Variants in ZC3H12B observed in about 807,000 individuals in gnomAD.
The protein encoded by ZC3H12B is probable ribonuclease ZC3H12B.
Under a neutral mutation model 43.9 loss-of-function variants are expected in ZC3H12B, and 7 were observed. The ratio of observed to expected loss-of-function variants is 0.16; its 90% CI spans 0.09 to 0.30. The LOEUF (loss-of-function observed/expected upper bound fraction) is 0.30, where lower values mean the gene tolerates loss of function less well. Ranked by LOEUF, ZC3H12B falls within the 10% of genes least tolerant of loss-of-function variation. The pLI, the probability that ZC3H12B is intolerant of heterozygous loss-of-function variation, is 1.00. For synonymous variants in ZC3H12B, 222 were observed against 241.7 expected (o/e 0.92, Z 0.76); for missense variants, 475 against 670.2 (o/e 0.71, Z 3.22).
At chrX:65,351,392 A>G in the ZC3H12B span, among the ~76,000 whole-genome samples, 1 of 112,290 alleles carries the variant, frequency 8.9e-6, no homozygotes, top group South Asian at 3.7e-4. Context: ...AATACCATTC[A>G]GGACATAGGC....
At chrX:65,154,319 C>T in the ZC3H12B span, among the ~76,000 whole-genome samples, 2 of 112,184 alleles carry the variant, frequency 1.8e-5, no homozygotes, top group Admixed American at 9.5e-5. Flanking sequence ...TTTTTTCCTA[C>T]TACCTTTGCA....
chrX:65,096,946 G>A, the ZC3H12B span, among the ~76,000 whole-genome samples: 1 of 111,368 alleles, frequency 9.0e-6, no homozygotes, highest in East Asian at 2.8e-4. Context: ...AAGAGTGTAA[G>A]GGGATCCTGA....
At chrX:65,269,170 C>A in the ZC3H12B span, among the ~76,000 whole-genome samples, 2 of 110,176 alleles carry the variant, frequency 1.8e-5, no homozygotes, top group East Asian at 2.9e-4. Flanking sequence ...CATGGTGAAA[C>A]CCCATCTCTA....
chrX:65,391,282 T>C (rs1012718213), intron 2 of ZC3H12B, among the ~76,000 whole-genome samples: 2 of 112,381 alleles, frequency 1.8e-5, no homozygotes, highest in Non-Finnish European at 3.7e-5. Flanking sequence ...GGAAAAAAGA[T>C]GGAGACAAAT....
At chrX:65,272,612 A>C in the ZC3H12B span, 2 of 111,789 alleles carry the variant, frequency 1.8e-5, no homozygotes, top group African/African-American at 3.3e-5. Flanking sequence ...TGGAAAGCTA[A>C]ATGCTCCATT....
At chrX:65,170,404 C>T in the ZC3H12B span, among the ~76,000 whole-genome samples, 5 of 112,171 alleles carry the variant, frequency 4.5e-5, no homozygotes, top group Non-Finnish European at 7.5e-5. Context: ...GAGAGATCTG[C>T]TGTTAGTCTG....
At position 65,451,149 on chromosome X, in the gene ZC3H12B, C is replaced by T. The variant is rs371727191; in HGVS notation, n.408-37497C>T. Among the ~76,000 whole-genome samples, 170 of 109,826 alleles carry T rather than the reference C, an allele frequency of 1.5e-3. 1 individual carries two copies. The highest frequency in any genetic ancestry group is 5.5e-3 in the African/African-American group (167 of 30,222). Reference sequence around the variant, plus strand: ...ATTTATAGTAGAGATGGGGTTTCACCGTGTTAGCCAAGCTGGTCTTGAACT... The same window carrying T: ...ATTTATAGTAGAGATGGGGTTTCACTGTGTTAGCCAAGCTGGTCTTGAACT... On this transcript the variant is annotated intron_variant and non_coding_transcript_variant, in intron 3 of 5. Transcript: ENST00000617377.
At chrX:65,375,789 C>T (rs2066338653) in intron 2 of ZC3H12B, among the ~76,000 whole-genome samples, 1 of 111,884 alleles carries the variant, frequency 8.9e-6, no homozygotes. Context: ...TAACCCACAG[C>T]AATGCCCAGG....
chrX:65,295,521 A>T, the ZC3H12B span, among the ~76,000 whole-genome samples: 1 of 111,461 alleles, frequency 9.0e-6, no homozygotes, highest in Non-Finnish European at 1.9e-5. Context: ...AACAAACCAA[A>T]TCCAAACCCA....
chrX:65,329,487 C>T, the ZC3H12B span, among the ~76,000 whole-genome samples: 5 of 89,383 alleles, frequency 5.6e-5, no homozygotes, highest in Non-Finnish European at 9.4e-5. Flanking sequence ...AATTTTCTCC[C>T]ATTTTGTAGG....
chrX:65,254,139 AC>A, the ZC3H12B span, among the ~76,000 whole-genome samples: 1 of 109,470 alleles, frequency 9.1e-6, no homozygotes, highest in South Asian at 3.9e-4. Flanking sequence ...CCAGCACTCC[AC>A]CCCCCCACTG....
the ZC3H12B span, among the ~76,000 whole-genome samples, chrX:65,263,031 A>T: frequency 9.0e-6 from 1 of 110,959 alleles, no homozygotes; most frequent in Non-Finnish European, 1.9e-5. Flanking sequence ...AGAGCTTACT[A>T]ACTGTATGAC....
intron 2 of ZC3H12B, among the ~76,000 whole-genome samples, chrX:65,379,012 G>A (rs932733256): frequency 8.0e-5 from 9 of 112,253 alleles, no homozygotes; most frequent in Non-Finnish European, 1.7e-4. Context: ...AAACTGCAAG[G>A]CAGCAGCGAG....
the ZC3H12B span, among the ~76,000 whole-genome samples, chrX:65,146,600 G>A: frequency 9.0e-6 from 1 of 111,627 alleles, no homozygotes; most frequent in African/African-American, 3.3e-5. Flanking sequence ...TCTGTCAGAG[G>A]GAAGGTCTAG....
At chrX:65,255,006 T>G in the ZC3H12B span, among the ~76,000 whole-genome samples, 1 of 108,846 alleles carries the variant, frequency 9.2e-6, no homozygotes, top group Non-Finnish European at 1.9e-5. Context: ...GACCAAAAAA[T>G]AAAAATAAAA....
intron 3 of ZC3H12B, among the ~76,000 whole-genome samples, chrX:65,414,501 C>T (rs1047361872): frequency 1.8e-5 from 2 of 111,065 alleles, no homozygotes; most frequent in South Asian, 3.8e-4. Context: ...CTATTTCTAT[C>T]GATTCTGTCA....
chrX:65,459,609 C>G (rs1254075507), intron 3 of ZC3H12B, among the ~76,000 whole-genome samples: 3 of 111,949 alleles, frequency 2.7e-5, no homozygotes, highest in Non-Finnish European at 5.6e-5. Context: ...ACAAAAACCA[C>G]ATGATTATCT....
the ZC3H12B span, among the ~76,000 whole-genome samples, chrX:65,332,569 G>T: frequency 8.3e-4 from 93 of 111,417 alleles, no homozygotes; most frequent in African/African-American, 2.9e-3. Flanking sequence ...TCCAGTATGT[G>T]TTTAGAATTA....
the ZC3H12B span, among the ~76,000 whole-genome samples, chrX:65,159,967 C>T: frequency 9.8e-5 from 11 of 111,891 alleles, no homozygotes; most frequent in Admixed American, 8.5e-4. Flanking sequence ...GAAATTTTAG[C>T]ATGAAGGGCT....
Sources: allele counts gnomAD v4.1 joint callset (sites outside exome capture counted in the v4.1 genomes callset), GRCh38; gene constraint gnomAD v4.1.1; transcripts MANE v1.5; gene names NCBI Gene and HGNC (gene_info 2026-07-23, HGNC 2026-07-21).